Variants in GRM8 observed in about 807,000 individuals in gnomAD.
GRM8 encodes the protein metabotropic glutamate receptor 8.
Under a neutral mutation model 87.2 loss-of-function variants are expected in GRM8, and 47 were observed. The observed-to-expected ratio is 0.54, with a 90% CI of 0.43 to 0.69. The LOEUF (loss-of-function observed/expected upper bound fraction) is 0.69, where lower values mean the gene tolerates loss of function less well. GRM8 is among the 30% of genes least tolerant of loss of function. The pLI, the probability that GRM8 is intolerant of heterozygous loss-of-function variation, is 0.00. For missense variants in GRM8, 1,019 were observed against 1,139.2 expected (o/e 0.89, Z 1.52); for synonymous variants, 396 against 404.5 (o/e 0.98, Z 0.25).
At chr7:126,663,875 T>C (rs1311280148) in intron 7 of GRM8, among the ~76,000 whole-genome samples, 1 of 152,190 alleles carries the variant, frequency 6.6e-6, no homozygotes, top group Non-Finnish European at 1.5e-5. Flanking sequence ...GACAATATTA[T>C]TCTATACCTA....
intron 9 of GRM8, among the ~76,000 whole-genome samples, chr7:126,457,067 G>A (rs917470018): frequency 6.6e-6 from 1 of 151,512 alleles, no homozygotes; most frequent in Non-Finnish European, 1.5e-5. Context: ...GAATGTGTCT[G>A]TGTGTGTGCC....
chr7:126,526,041 T>C (rs1232829584), intron 9 of GRM8, among the ~76,000 whole-genome samples: 2 of 152,216 alleles, frequency 1.3e-5, no homozygotes, highest in Non-Finnish European at 2.9e-5. Flanking sequence ...ATTTTTCTTT[T>C]ACATTTCTCA....
At chr7:126,513,040 C>G (rs759324063) in intron 9 of GRM8, among the ~76,000 whole-genome samples, 8 of 152,042 alleles carry the variant, frequency 5.3e-5, no homozygotes, top group Non-Finnish European at 1.0e-4. Flanking sequence ...CTATAAAAAG[C>G]CTAGAGTTTT....
At chr7:127,008,467 C>G (rs1347167524) in intron 3 of GRM8, among the ~76,000 whole-genome samples, 1 of 152,042 alleles carries the variant, frequency 6.6e-6, no homozygotes, top group Non-Finnish European at 1.5e-5. Context: ...TCCCTCATGC[C>G]TCAGGACCTG....
At chr7:127,205,807 C>G (rs1340322035) in intron 2 of GRM8, among the ~76,000 whole-genome samples, 1 of 152,154 alleles carries the variant, frequency 6.6e-6, no homozygotes, top group Non-Finnish European at 1.5e-5. Context: ...TGACCTTCAC[C>G]TTTCTCTTCA....
At chr7:126,954,704 C>G (rs1808500323) in intron 3 of GRM8, among the ~76,000 whole-genome samples, 1 of 152,116 alleles carries the variant, frequency 6.6e-6, no homozygotes, top group South Asian at 2.1e-4. Context: ...ATAACAATAA[C>G]TTTCTCATAG....
At chr7:126,687,139 C>G (rs749752546) in intron 7 of GRM8, among the ~76,000 whole-genome samples, 17 of 152,220 alleles carry the variant, frequency 1.1e-4, no homozygotes, top group Non-Finnish European at 2.4e-4. Context: ...GTTGGCACAT[C>G]TGGGGGTCAC....
At chr7:126,892,771 T>C (rs2131105786) in intron 6 of GRM8, among the ~76,000 whole-genome samples, 1 of 152,256 alleles carries the variant, frequency 6.6e-6, no homozygotes, top group South Asian at 2.1e-4. Context: ...AAAGTGTTCC[T>C]ATTTCTCCAC....
chr7:127,225,401 G>C (rs985981019), intron 2 of GRM8, among the ~76,000 whole-genome samples: 3 of 151,996 alleles, frequency 2.0e-5, no homozygotes, highest in Non-Finnish European at 4.4e-5. Context: ...GCATGGTGGA[G>C]TTTCCCTCCT....
intron 3 of GRM8, among the ~76,000 whole-genome samples, chr7:127,015,001 A>AAAGAAGAAG (rs538403014): frequency 0.016 from 970 of 59,646 alleles, 35 homozygotes; most frequent in East Asian, 0.042. Context: ...GAAGAAGAAG[A>AAAGAAGAAG]AAGAAGAAGA....
chr7:126,508,329 C>T (rs2150731362), intron 9 of GRM8, among the ~76,000 whole-genome samples: 1 of 151,872 alleles, frequency 6.6e-6, no homozygotes, highest in Admixed American at 6.6e-5. Flanking sequence ...GATCAAAGAG[C>T]TGTTATCTTG....
intron 6 of GRM8, among the ~76,000 whole-genome samples, chr7:126,832,698 T>A: frequency 6.6e-6 from 1 of 152,196 alleles, no homozygotes; most frequent in East Asian, 1.9e-4. Flanking sequence ...ACCACATGAC[T>A]ATCCTTCTCA....
rs75742379 is a variant in GRM8 at position 126,592,945 on chromosome 7, A to G, written c.1494+16417T>C. ...TAATATCCAAATTCAGTAATGTTAC[A>G]TTACACACAATCAACATACAAAAAT... On this transcript the variant is annotated intron_variant, in intron 8 of 10. Coordinates refer to ENST00000339582, the MANE Select transcript of GRM8 (RefSeq NM_000845.3). Among the ~76,000 whole-genome samples, 271 of 152,136 alleles carry G rather than the reference A, an allele frequency of 1.8e-3. 1 individual carries two copies. The highest frequency in any genetic ancestry group is 0.013 in the Admixed American group (205 of 15,268).
intron 8 of GRM8, among the ~76,000 whole-genome samples, chr7:126,572,625 A>G (rs1794779676): frequency 1.3e-5 from 2 of 152,226 alleles, no homozygotes; most frequent in South Asian, 4.1e-4. Flanking sequence ...AGCCAGAATA[A>G]AGCTATCTAT....
intron 2 of GRM8, among the ~76,000 whole-genome samples, chr7:127,157,202 AAAT>A (rs1430563380): frequency 1.8e-5 from 2 of 108,764 alleles, no homozygotes; most frequent in African/African-American, 6.5e-5. Flanking sequence ...AAATGAGAAC[AAAT>A]AAGAAAGAGG....
intron 7 of GRM8, among the ~76,000 whole-genome samples, chr7:126,626,686 T>C (rs1341402735): frequency 6.6e-6 from 1 of 152,206 alleles, no homozygotes; most frequent in Non-Finnish European, 1.5e-5. Flanking sequence ...TTCTTAGAAG[T>C]GTTCTACCTT....
chr7:126,866,844 C>T (rs569875848), intron 6 of GRM8, among the ~76,000 whole-genome samples: 1 of 152,038 alleles, frequency 6.6e-6, no homozygotes, highest in Non-Finnish European at 1.5e-5. Flanking sequence ...CCCACCTCGG[C>T]CTCCCAAAGT....
intron 3 of GRM8, among the ~76,000 whole-genome samples, chr7:126,934,561 G>T (rs1256066020): frequency 1.8e-4 from 27 of 152,164 alleles, no homozygotes; most frequent in Non-Finnish European, 1.5e-5. Context: ...AGAAATCTCA[G>T]ATTCTTTGTA....
At chr7:126,694,202 G>GA (rs1809129126) in intron 7 of GRM8, among the ~76,000 whole-genome samples, 1 of 151,886 alleles carries the variant, frequency 6.6e-6, no homozygotes, top group East Asian at 1.9e-4. Flanking sequence ...TCTACATTTA[G>GA]AAAAATTCCT....
Sources: allele counts gnomAD v4.1 joint callset (sites outside exome capture counted in the v4.1 genomes callset), GRCh38; gene constraint gnomAD v4.1.1; transcripts MANE v1.5; gene names NCBI Gene and HGNC (gene_info 2026-07-23, HGNC 2026-07-21).